The following SLC34A1 variants were observed in gnomAD, a reference collection of about 807,000 sequenced individuals.
SLC34A1 encodes sodium-dependent phosphate transport protein 2A.
Under a neutral mutation model 51.4 loss-of-function variants are expected in SLC34A1, and 57 were observed. The observed-to-expected ratio is 1.11, with a 90% CI of 0.90 to 1.38. SLC34A1 has a LOEUF of 1.38. Among genes scored for constraint, SLC34A1 ranks in the 40% most tolerant of loss-of-function variants. The pLI is 0.00. For missense variants in SLC34A1, 796 were observed against 835.6 expected (o/e 0.95, Z 0.58); for synonymous variants, 368 against 358.0 (o/e 1.03, Z -0.32).
Position 177,388,814 on chromosome 5 carries a change from G to A in SLC34A1, c.936+442G>A, listed in dbSNP as rs1378319333. On this transcript the variant is annotated intron_variant, in intron 8 of 12. Coordinates refer to ENST00000324417, the MANE Select transcript of SLC34A1 (RefSeq NM_003052.5). This position sits in a 1 kb window ranked among gnomAD's most constrained non-coding sequence, Gnocchi z 4.3. ...TCCAGCGCAACCCTTGGGTTTCACA[G>A]GTAGAGACACAGGTTCAGAGAGGCT... is the stretch of plus-strand genomic sequence containing the variant. 6.6e-6 allele frequency among the ~76,000 whole-genome samples: 1 copy of A among 152,166 alleles called. No homozygotes were observed.
At chr5:177,387,640 T>C (rs1762633937) in intron 5 of SLC34A1, 122 bp from the exon 6 acceptor site, 1 of 833,650 alleles carries the variant, frequency 1.2e-6, no homozygotes, top group Non-Finnish European at 2.0e-6. Context: ...TTAGGCAGAC[T>C]CAGCAGCATG....
At chr5:177,387,252 A>C (rs116550465) in intron 5 of SLC34A1, among the ~76,000 whole-genome samples, 2 of 151,970 alleles carry the variant, frequency 1.3e-5, no homozygotes, top group African/African-American at 4.8e-5. Context: ...AGCATTAGCC[A>C]GGCGTGGTGG....
intron 10 of SLC34A1, among the ~76,000 whole-genome samples, chr5:177,395,678 G>A (rs1245835793): frequency 1.3e-5 from 2 of 152,160 alleles, no homozygotes; most frequent in African/African-American, 4.8e-5. Context: ...TGTCACCCAG[G>A]CTGGAGTGCA....
chr5:177,397,008 C>A lies in SLC34A1; in HGVS notation c.1350C>A (p.Gly450=). 6.2e-7 allele frequency: 1 copy of A among 1,614,146 alleles called. No homozygotes were observed. The highest frequency in any genetic ancestry group is 8.5e-7 in the Non-Finnish European group (1 of 1,180,028). ...CGCTCACACTGGGTTCCAACATCGG[C>A]ACCACCACCACGGCCATCCTGGCTG... ...AYPLTLGSNI[G]TTTTAILAAL... is the part of the protein sequence containing the mutation. Residue 450 remains glycine (G), a synonymous_variant, in exon 12 of 13, where the codon GGC becomes GGA. Transcript: ENST00000324417.
chr5:177,398,820 A>ACGGCG lies in SLC34A1; in HGVS notation c.*534_*535insCGGCG. 1 of 164,872 alleles carries ACGGCG rather than the reference A, an allele frequency of 6.1e-6. No homozygotes were observed. Among genetic ancestry groups the ACGGCG allele is most frequent in the Non-Finnish European group, 1.3e-5 (1 of 74,152 alleles). The allele number at this position is 164,872 out of a possible 1,614,324, so 10.2% of individuals were successfully genotyped here. A position where few individuals can be genotyped will look rare whatever the true frequency, so the allele number is the denominator to read the frequency against. On this transcript the variant is annotated 3_prime_UTR_variant, in exon 13 of 13. Coordinates refer to ENST00000324417, the MANE Select transcript of SLC34A1 (RefSeq NM_003052.5). The surrounding 1 kb of genome is among the most constrained non-coding windows in gnomAD (Gnocchi z 4.7). ...CCCAACACTTGCCTGATGGAAAAAA[A>ACGGCG]ACAAAGGAATTAAAACTCTCCTCAG...
chr5:177,390,395 G>T (rs1762761108), intron 8 of SLC34A1: 1 of 985,270 alleles, frequency 1.0e-6, no homozygotes, highest in Non-Finnish European at 1.2e-6. Context: ...TGCAACCTGG[G>T]AGGCAGGGAT....
chr5:177,397,665 A>C (rs1400084858), intron 12 of SLC34A1, 118 bp from the exon 13 acceptor site: 4 of 1,376,278 alleles, frequency 2.9e-6, no homozygotes, highest in Non-Finnish European at 4.1e-6. Flanking sequence ...ATCACCCCTA[A>C]GTGGAAACTT....
chr5:177,392,706 C>A (rs1305554414), intron 8 of SLC34A1, among the ~76,000 whole-genome samples: 1 of 152,146 alleles, frequency 6.6e-6, no homozygotes, highest in Non-Finnish European at 1.5e-5. Context: ...TCACTCCAGC[C>A]TCGACCACCT....
At chr5:177,392,693 A>G (rs1762844163) in intron 8 of SLC34A1, among the ~76,000 whole-genome samples, 1 of 152,122 alleles carries the variant, frequency 6.6e-6, no homozygotes, top group Non-Finnish European at 1.5e-5. Context: ...GCATGATCAT[A>G]GCTCACTCCA....
chr5:177,387,171 C>T (rs973663195), intron 5 of SLC34A1, among the ~76,000 whole-genome samples: 5 of 151,632 alleles, frequency 3.3e-5, no homozygotes, highest in East Asian at 1.9e-4. Flanking sequence ...TAGATCGAGA[C>T]CACCCTGGCT....
At chr5:177,389,668 C>T in intron 8 of SLC34A1, 2 of 1,537,294 alleles carry the variant, frequency 1.3e-6, no homozygotes, top group Non-Finnish European at 1.7e-6. Context: ...AAATCACACA[C>T]TTTGATCTTC....
chr5:177,393,431 A>C (rs989602674), intron 8 of SLC34A1, among the ~76,000 whole-genome samples: 2 of 152,092 alleles, frequency 1.3e-5, no homozygotes, highest in African/African-American at 2.4e-5. Context: ...AAAGACAGGA[A>C]GCCACTGGAT....
In SLC34A1 at chr5:177,396,793, T is replaced by A; in HGVS notation, c.1235T>A (p.Met412Lys). The change falls in exon 11 of 13, where the codon ATG (methionine) becomes AAG (lysine). Residue 412 changes from methionine to lysine, a missense_variant. Physicochemically the swap from Met to Lys is moderately conservative, Grantham distance 95. Transcript: ENST00000324417. This position sits in a 1 kb window ranked among gnomAD's most constrained non-coding sequence, Gnocchi z 4.0. ...TTTGCCATGGTGGTGGGCGCCAGCA[T>A]GACCTTCGTGGTCCAGAGCAGTTCT... ...GYFAMVVGAS[M>K]TFVVQSSSVF... 6.2e-7 allele frequency: 1 copy of A among 1,614,214 alleles called. No individual in the cohort carries two copies. Among genetic ancestry groups the A allele is most frequent in the East Asian group, 2.2e-5 (1 of 44,880 alleles).
chr5:177,386,169 G>A lies in SLC34A1; in HGVS notation c.259+33G>A, dbSNP rs1275334535. On this transcript the variant is annotated intron_variant, in intron 3 of 12. Coordinates refer to ENST00000324417, the MANE Select transcript of SLC34A1 (RefSeq NM_003052.5). The surrounding 1 kb of genome is among the most constrained non-coding windows in gnomAD (Gnocchi z 4.8). ...TGGGCTGGGGGTGGCAGAGGCGGCA[G>A]CAGTCCCTGCCCTGGCCTCTGCCCA... The A allele has an allele frequency of 6.2e-7, 1 of 1,613,674 alleles. No individual in the cohort carries two copies. The highest frequency in any genetic ancestry group is 8.5e-7 in the Non-Finnish European group (1 of 1,179,852).
At chr5:177,384,725 G>A (rs766778134) in intron 1 of SLC34A1, among the ~76,000 whole-genome samples, 3 of 152,138 alleles carry the variant, frequency 2.0e-5, no homozygotes, top group Non-Finnish European at 4.4e-5. Context: ...AGCCAGGTGT[G>A]GTGGCAGGCA....
In SLC34A1 at chr5:177,396,597, C is replaced by T; in HGVS notation, c.1175-136C>T. The T allele has an allele frequency of 1.6e-6, 1 of 612,718 alleles. No homozygotes were observed. The allele number at this position is 612,718 out of a possible 1,614,324, so 38.0% of individuals were successfully genotyped here. A position where few individuals can be genotyped will look rare whatever the true frequency, so the allele number is the denominator to read the frequency against. ...CTCCCAGTGCCCCCGCGGAGGTCCT[C>T]TCTCCCAGTGCCCCCGCGGAGATCC... is the stretch of plus-strand genomic sequence containing the variant. On this transcript the variant is annotated intron_variant, in intron 10 of 12. Transcript: ENST00000324417. The surrounding 1 kb of genome is among the most constrained non-coding windows in gnomAD (Gnocchi z 4.0).
At chr5:177,391,016 A>C (rs1209623355) in intron 8 of SLC34A1, among the ~76,000 whole-genome samples, 2 of 152,096 alleles carry the variant, frequency 1.3e-5, no homozygotes, top group East Asian at 3.9e-4. Context: ...CAGCTGGGGT[A>C]TGGGCCCAGG....
chr5:177,385,804 G>A lies in SLC34A1; in HGVS notation c.63G>A (p.Gly21=). 4 of 1,613,276 alleles carry A rather than the reference G, an allele frequency of 2.5e-6. No homozygotes were observed. The highest frequency in any genetic ancestry group is 3.4e-6 in the Non-Finnish European group (4 of 1,179,852). The change falls in exon 2 of 13, where the codon GGG becomes GGA. Residue 21 remains glycine, a synonymous_variant. Transcript: ENST00000324417. ...TCTCCCCACTCCCAGTCCGTGGGGGGCATGTGATGCGAGGGACGGCCTTTG... is the reference window on the plus strand; with the variant it reads ...TCTCCCCACTCCCAGTCCGTGGGGGACATGTGATGCGAGGGACGGCCTTTG... ...PAVSPLPVRG[G]HVMRGTAFAY... is the part of the protein sequence containing the mutation.
rs746615882 is a variant in SLC34A1 at position 177,396,775 on chromosome 5, T to C, written c.1217T>C (p.Met406Thr). Residue 406 changes from methionine to threonine, a missense_variant, in exon 11 of 13, where the codon ATG (methionine) becomes ACG (threonine). Coordinates refer to ENST00000324417, the MANE Select transcript of SLC34A1 (RefSeq NM_003052.5). The surrounding 1 kb of genome is among the most constrained non-coding windows in gnomAD (Gnocchi z 4.0). ...ACCTGGGTCACAGGCTACTTTGCCA[T>C]GGTGGTGGGCGCCAGCATGACCTTC... is the stretch of plus-strand genomic sequence containing the variant. ...PFTWVTGYFAMVVGASMTFVV... is the reference protein window; with the variant it reads ...PFTWVTGYFATVVGASMTFVV... 4 of 1,614,100 alleles carry C rather than the reference T, an allele frequency of 2.5e-6. No individual in the cohort carries two copies. Among genetic ancestry groups the C allele is most frequent in the South Asian group, 2.2e-5 (2 of 91,084 alleles).
Sources: allele counts gnomAD v4.1 joint callset (sites outside exome capture counted in the v4.1 genomes callset), GRCh38; gene constraint gnomAD v4.1.1; non-coding constraint Gnocchi (gnomAD v3.1); transcripts MANE v1.5; gene names NCBI Gene and HGNC (gene_info 2026-07-23, HGNC 2026-07-21).